IFTAP: variants seen among roughly 807,000 people sequenced by gnomAD.
The protein encoded by IFTAP is intraflagellar transport-associated protein.
In IFTAP, 19 loss-of-function variants were observed where a neutral mutation model predicts 19.4. That is an observed-to-expected ratio of 0.98 (90% CI 0.68 to 1.44). IFTAP has a LOEUF of 1.44. Ranked by LOEUF, IFTAP falls within the 40% of genes most tolerant of loss-of-function variation. The pLI is 0.00. For synonymous variants in IFTAP, 85 were observed against 83.5 expected, an observed-to-expected ratio of 1.02 and a Z score of -0.10; for missense variants, 240 against 253.6, an observed-to-expected ratio of 0.95 and a Z score of 0.36.
chr11:36,647,060 G>A (rs1021787778), intron 4 of IFTAP, among the ~76,000 whole-genome samples: 3 of 152,066 alleles, frequency 2.0e-5, no homozygotes, highest in African/African-American at 4.8e-5. Flanking sequence ...TTCAGTTTTT[G>A]AATATCAATA....
At chr11:36,631,668 A>G (rs1461250069) in intron 2 of IFTAP, among the ~76,000 whole-genome samples, 1 of 151,242 alleles carries the variant, frequency 6.6e-6, no homozygotes, top group Non-Finnish European at 1.5e-5. Flanking sequence ...GAACTCACAG[A>G]TAAAACAATT....
At chr11:36,633,894 TA>T (rs1474955198) in intron 3 of IFTAP, among the ~76,000 whole-genome samples, 1 of 152,148 alleles carries the variant, frequency 6.6e-6, no homozygotes, top group Non-Finnish European at 1.5e-5. Flanking sequence ...TTGAAGACTT[TA>T]TAGACTCTTC....
chr11:36,595,867 G>T (rs1272259963), intron 1 of IFTAP, among the ~76,000 whole-genome samples: 4 of 152,262 alleles, frequency 2.6e-5, no homozygotes, highest in Non-Finnish European at 5.9e-5. Flanking sequence ...TAGGATATGG[G>T]AATCAGGTCA....
chr11:36,637,093 GT>G (rs149861398), intron 4 of IFTAP, among the ~76,000 whole-genome samples: 51 of 152,258 alleles, frequency 3.3e-4, no homozygotes, highest in African/African-American at 1.2e-3. Context: ...GGTCATTAGT[GT>G]TGGGGGAGGA....
Position 36,633,190 on chromosome 11 carries a change from C to A in IFTAP, c.137-94C>A, listed in dbSNP as rs1265196026. The A allele has an allele frequency of 4.2e-6, 5 of 1,196,326 alleles. No homozygotes were observed. The East Asian group carries it at 1.1e-4, about 25-fold the overall frequency. The allele number at this position is 1,196,326 out of a possible 1,614,324, so 74.1% of individuals were successfully genotyped here. ...TTTGTAGAGTTCTTTGAAAAGTATT[C>A]TTTTTCATTGGAAGAAACTTTCTCA... On this transcript the variant is annotated intron_variant, in intron 2 of 5. Transcript: ENST00000334307.
At chr11:36,633,539 A>T (rs3758874) in intron 3 of IFTAP, 101 bp downstream of exon 3, 1 of 906,946 alleles carries the variant, frequency 1.1e-6, no homozygotes, top group Non-Finnish European at 1.5e-6. Flanking sequence ...CAGTTATTAG[A>T]TCTGTAATTC....
At chr11:36,633,824 C>T (rs902228326) in intron 3 of IFTAP, among the ~76,000 whole-genome samples, 7 of 152,016 alleles carry the variant, frequency 4.6e-5, no homozygotes, top group African/African-American at 1.7e-4. Flanking sequence ...AAGATGGAAT[C>T]GATTATCTTG....
In IFTAP at chr11:36,630,001, A is replaced by G. The variant is rs117568785; in HGVS notation, c.137-3283A>G. On this transcript the variant is annotated intron_variant, in intron 2 of 5. Transcript: ENST00000334307. ...TATGTCTGACACTTATTTCAAAGCA[A>G]GAAACATTAGGGATAAGATGAAAGG... 9.8e-4 allele frequency among the ~76,000 whole-genome samples: 149 copies of G among 151,410 alleles called. 3 individuals carry two copies. In the East Asian group the frequency reaches 0.02, roughly 20 times the overall value.
At chr11:36,624,043 C>T (rs4756331) in intron 2 of IFTAP, among the ~76,000 whole-genome samples, 149,139 of 152,262 alleles carry the variant, frequency 0.98, 73,057 homozygotes, top group East Asian at 1. Flanking sequence ...AGGAAAACCA[C>T]TTTAAAAAGG....
chr11:36,650,993 G>C (rs1363459135), intron 5 of IFTAP, among the ~76,000 whole-genome samples: 1 of 152,124 alleles, frequency 6.6e-6, no homozygotes, highest in East Asian at 1.9e-4. Flanking sequence ...ATTTGCTATT[G>C]TGAATAATGC....
At chr11:36,609,635 C>T (rs1254786015) in intron 1 of IFTAP, among the ~76,000 whole-genome samples, 2 of 152,044 alleles carry the variant, frequency 1.3e-5, no homozygotes, top group East Asian at 3.9e-4. Context: ...ACTCTGTGAC[C>T]TTATCTAGGA....
At chr11:36,623,987 A>G (rs1185957094) in intron 2 of IFTAP, among the ~76,000 whole-genome samples, 1 of 149,448 alleles carries the variant, frequency 6.7e-6, no homozygotes, top group African/African-American at 2.5e-5. Context: ...GTGTGTATAT[A>G]TATGTGTGTA....
chr11:36,604,548 G>T (rs1236611531), intron 1 of IFTAP, among the ~76,000 whole-genome samples: 11 of 151,932 alleles, frequency 7.2e-5, no homozygotes, highest in Admixed American at 7.2e-4. Flanking sequence ...GTATTGGTAG[G>T]TCTCTAATAT....
At chr11:36,635,724 T>G (rs927207398) in intron 3 of IFTAP, among the ~76,000 whole-genome samples, 1 of 152,210 alleles carries the variant, frequency 6.6e-6, no homozygotes. Flanking sequence ...TGTTTTCAAC[T>G]GTCATGGTGG....
chr11:36,614,799 A>G (rs1214407362), intron 2 of IFTAP, among the ~76,000 whole-genome samples: 1 of 149,112 alleles, frequency 6.7e-6, no homozygotes, highest in Non-Finnish European at 1.5e-5. Context: ...GTTTGAGTTC[A>G]TTGTAGATTC....
At chr11:36,618,074 A>G (rs1852158253) in intron 2 of IFTAP, among the ~76,000 whole-genome samples, 1 of 151,964 alleles carries the variant, frequency 6.6e-6, no homozygotes, top group Non-Finnish European at 1.5e-5. Flanking sequence ...TATTATTTTT[A>G]ACTTACAGAT....
Position 36,649,888 on chromosome 11 carries a change from AAC to A in IFTAP, c.498+1735_498+1736del, listed in dbSNP as rs1476377906. On this transcript the variant is annotated intron_variant, in intron 5 of 5. Transcript: ENST00000334307. ...CCGTCTAGAATCACAATACAGGTTG[AAC>A]ATTCCTAATGGGAAAATCCAAAATG... 5.0e-4 allele frequency among the ~76,000 whole-genome samples: 76 copies of A among 152,304 alleles called. No homozygotes were observed. In the South Asian group the frequency reaches 0.015, roughly 31 times the overall value.
chr11:36,618,703 G>C (rs981518135), intron 2 of IFTAP, among the ~76,000 whole-genome samples: 1 of 152,076 alleles, frequency 6.6e-6, no homozygotes, highest in Admixed American at 6.6e-5. Flanking sequence ...GAAGGAGGCT[G>C]TGTAATGATG....
intron 1 of IFTAP, among the ~76,000 whole-genome samples, chr11:36,603,307 T>C (rs1175803098): frequency 6.6e-6 from 1 of 152,206 alleles, no homozygotes; most frequent in Admixed American, 6.5e-5. Flanking sequence ...TTAGTATTAG[T>C]CTCTCTCCCA....
Sources: allele counts gnomAD v4.1 joint callset (sites outside exome capture counted in the v4.1 genomes callset), GRCh38; gene constraint gnomAD v4.1.1; transcripts MANE v1.5; gene names NCBI Gene and HGNC (gene_info 2026-07-23, HGNC 2026-07-21).